The following RORA variants were observed in gnomAD, a reference collection of about 807,000 sequenced individuals.
The protein encoded by RORA is RAR related orphan receptor A.
A neutral mutation model predicts 69.5 loss-of-function variants in RORA; 7 were observed. That is an observed-to-expected ratio of 0.10 (90% confidence interval 0.06 to 0.19). RORA has a LOEUF of 0.19. Ranked by LOEUF, RORA falls within the 10% of genes least tolerant of loss-of-function variation. The pLI, the probability that RORA is intolerant of heterozygous loss-of-function variation, is 1.00. For synonymous variants in RORA, 261 were observed against 240.8 expected, an observed-to-expected ratio of 1.08 and a Z score of -0.78; for missense variants, 457 against 663.0, an observed-to-expected ratio of 0.69 and a Z score of 3.41.
intron 3 of RORA, among the ~76,000 whole-genome samples, chr15:60,521,920 ATACGTGTCT>A (rs2066179749): frequency 6.6e-6 from 1 of 152,010 alleles, no homozygotes; most frequent in African/African-American, 2.4e-5. Flanking sequence ...TTTATTTCTG[ATACGTGTCT>A]TACCTTCTCT....
chr15:60,958,588 A>C (rs145802389), intron 1 of RORA, among the ~76,000 whole-genome samples: 98 of 152,294 alleles, frequency 6.4e-4, no homozygotes, highest in African/African-American at 2.1e-3. Flanking sequence ...AAAATGAGGA[A>C]ACTGGAGCAC....
At chr15:61,088,178 G>A (rs1034404083) in intron 1 of RORA, among the ~76,000 whole-genome samples, 3 of 152,232 alleles carry the variant, frequency 2.0e-5, no homozygotes, top group African/African-American at 7.2e-5. Flanking sequence ...GACATGGTTA[G>A]TGTCAAAACA....
chr15:60,903,323 T>C, intron 1 of RORA, among the ~76,000 whole-genome samples: 1 of 152,212 alleles, frequency 6.6e-6, no homozygotes. Flanking sequence ...AGTAACACTG[T>C]CTGTCTTCCC....
intron 1 of RORA, among the ~76,000 whole-genome samples, chr15:60,946,549 C>T (rs368489855): frequency 1.3e-5 from 2 of 152,242 alleles, no homozygotes; most frequent in African/African-American, 4.8e-5. Flanking sequence ...GGATTGCAGA[C>T]GGAGTCTCAT....
At chr15:60,692,032 A>G (rs1409150124) in intron 1 of RORA, among the ~76,000 whole-genome samples, 2 of 152,206 alleles carry the variant, frequency 1.3e-5, no homozygotes, top group South Asian at 2.1e-4. Context: ...TGAGAAAACT[A>G]TTTTGGAAAC....
intron 1 of RORA, among the ~76,000 whole-genome samples, chr15:61,190,719 G>C (rs2079790508): frequency 6.6e-6 from 1 of 152,138 alleles, no homozygotes; most frequent in Non-Finnish European, 1.5e-5. Flanking sequence ...CTGCACTCCA[G>C]CCTGAGTAAC....
At chr15:60,937,260 T>C (rs1365188109) in intron 1 of RORA, among the ~76,000 whole-genome samples, 2 of 152,220 alleles carry the variant, frequency 1.3e-5, no homozygotes, top group Non-Finnish European at 2.9e-5. Context: ...AGGACCAGTG[T>C]AGGCACTCTC....
At chr15:60,542,348 C>CCA (rs2066898808) in intron 2 of RORA, among the ~76,000 whole-genome samples, 1 of 151,582 alleles carries the variant, frequency 6.6e-6, no homozygotes, top group African/African-American at 2.4e-5. Context: ...CACACACATA[C>CCA]CACACATGCA....
chr15:60,794,622 A>G (rs1428392657), intron 1 of RORA, among the ~76,000 whole-genome samples: 8 of 152,234 alleles, frequency 5.3e-5, no homozygotes, highest in Non-Finnish European at 8.8e-5. Context: ...TGAGTCCCCA[A>G]TATCCCTATG....
chr15:60,695,721 C>G (rs2070893493), intron 1 of RORA, among the ~76,000 whole-genome samples: 1 of 152,090 alleles, frequency 6.6e-6, no homozygotes, highest in Non-Finnish European at 1.5e-5. Context: ...TTCATGATTC[C>G]TGCCTCGCGC....
At chr15:60,843,162 G>A (rs1022182292) in intron 1 of RORA, among the ~76,000 whole-genome samples, 5 of 152,130 alleles carry the variant, frequency 3.3e-5, no homozygotes, top group Non-Finnish European at 7.3e-5. Flanking sequence ...GAACAACCTC[G>A]CTGGGCCACT....
At chr15:60,744,367 C>T (rs113647603) in intron 1 of RORA, among the ~76,000 whole-genome samples, 15 of 152,184 alleles carry the variant, frequency 9.9e-5, no homozygotes, top group African/African-American at 3.4e-4. Context: ...ACAGCTGTGT[C>T]GTTTGCTTAG....
intron 1 of RORA, among the ~76,000 whole-genome samples, chr15:60,892,591 C>A (rs554300379): frequency 6.6e-6 from 1 of 152,206 alleles, no homozygotes; most frequent in East Asian, 1.9e-4. Context: ...CCTGGTATCA[C>A]GAATATACAA....
chr15:60,552,358 C>T (rs1198182245), intron 2 of RORA, among the ~76,000 whole-genome samples: 3 of 152,182 alleles, frequency 2.0e-5, no homozygotes, highest in Non-Finnish European at 2.9e-5. Flanking sequence ...AGGCATCCCT[C>T]GCCCTCTCCC....
chr15:61,097,075 G>A (rs1441016091), intron 1 of RORA, among the ~76,000 whole-genome samples: 1 of 152,156 alleles, frequency 6.6e-6, no homozygotes, highest in Non-Finnish European at 1.5e-5. Context: ...TTAAAACAAG[G>A]CAGAATGTGA....
intron 1 of RORA, among the ~76,000 whole-genome samples, chr15:60,880,394 A>G (rs2073665507): frequency 6.6e-6 from 1 of 152,202 alleles, no homozygotes; most frequent in Non-Finnish European, 1.5e-5. Context: ...TAATCCCAGC[A>G]CTTTGGGAGG....
intron 1 of RORA, among the ~76,000 whole-genome samples, chr15:60,871,827 A>C (rs989853858): frequency 1.3e-5 from 2 of 152,228 alleles, no homozygotes; most frequent in Non-Finnish European, 2.9e-5. Flanking sequence ...TTAGTGGAAA[A>C]AACTGGTAAA....
intron 1 of RORA, among the ~76,000 whole-genome samples, chr15:61,098,630 C>T (rs912765076): frequency 2.6e-5 from 4 of 152,158 alleles, no homozygotes; most frequent in Non-Finnish European, 4.4e-5. Flanking sequence ...GGTGTGCACA[C>T]CCAGCCTGCT....
At chr15:61,132,798 C>T (rs1175771136) in intron 1 of RORA, among the ~76,000 whole-genome samples, 1 of 152,096 alleles carries the variant, frequency 6.6e-6, no homozygotes, top group Non-Finnish European at 1.5e-5. Context: ...GAAACGCAGC[C>T]CATAAATTTG....
Sources: allele counts gnomAD v4.1 joint callset (sites outside exome capture counted in the v4.1 genomes callset), GRCh38; gene constraint gnomAD v4.1.1; transcripts MANE v1.5; gene names NCBI Gene and HGNC (gene_info 2026-07-23, HGNC 2026-07-21).